The following TSC2 variants were observed in gnomAD, a reference collection of about 807,000 sequenced individuals.
The protein encoded by TSC2 is TSC complex subunit 2.
A neutral mutation model predicts 202.2 loss-of-function variants in TSC2; 29 were observed. The ratio of observed to expected loss-of-function variants is 0.14; its 90% CI spans 0.11 to 0.20. The LOEUF (loss-of-function observed/expected upper bound fraction) is 0.20, where lower values mean the gene tolerates loss of function less well. Among genes scored for constraint, TSC2 ranks in the 10% least tolerant of loss-of-function variants. The pLI, the probability that TSC2 is intolerant of heterozygous loss-of-function variation, is 1.00. For synonymous variants in TSC2, 1,349 were observed against 1,044.0 expected, an observed-to-expected ratio of 1.29 and a Z score of -5.63; for missense variants, 2,429 against 2,420.0, an observed-to-expected ratio of 1.00 and a Z score of -0.08.
chr16:2,049,508 G>A (rs1373015423), intron 2 of TSC2, among the ~76,000 whole-genome samples: 5 of 152,040 alleles, frequency 3.3e-5, no homozygotes, highest in African/African-American at 4.8e-5. Flanking sequence ...CAACTAAAAC[G>A]TTCATCAACT....
chr16:2,064,811 C>T (rs1876414337), intron 15 of TSC2: 1 of 333,296 alleles, frequency 3.0e-6, no homozygotes, highest in Non-Finnish European at 5.8e-6. Flanking sequence ...GGCATCTTTG[C>T]TTTTGAGCAA....
chr16:2,071,988 G>T, intron 19 of TSC2, 54 bp downstream of exon 19: 1 of 1,523,958 alleles, frequency 6.6e-7, no homozygotes, highest in East Asian at 2.4e-5. Context: ...GGAGGACAGG[G>T]AGCTGCCACC....
chr16:2,077,444 T>C, intron 25 of TSC2, 154 bp from the exon 26 acceptor site: 1 of 1,119,474 alleles, frequency 8.9e-7, no homozygotes. Flanking sequence ...TAACTGCCCT[T>C]TGGCATGGCT....
In TSC2 at chr16:2,074,299, A is replaced by C; in HGVS notation, c.2455A>C (p.Ile819Leu). Residue 819 changes from isoleucine (I) to leucine (L), a missense_variant, in exon 22 of 42, where the codon ATC (isoleucine) becomes CTC (leucine). Ile to Leu is a conservative substitution (Grantham distance 5). Coordinates refer to ENST00000219476, the MANE Select transcript of TSC2 (RefSeq NM_000548.5). The stretch of plus-strand genomic sequence containing the variant: ...CTGCAGCGTGGAGATGCCTGACATC[A>C]TCATCAAGGCGCTGCCTGTTCTGGT... Reference protein sequence around the residue: ...SICSVEMPDIIIKALPVLVVK... With the variant: ...SICSVEMPDILIKALPVLVVK... 6.2e-7 allele frequency: 1 copy of C among 1,613,158 alleles called. No individual in the cohort carries two copies. Among genetic ancestry groups the C allele is most frequent in the South Asian group, 1.1e-5 (1 of 91,070 alleles).
intron 38 of TSC2, chr16:2,087,313 T>G (rs2090942490): frequency 3.1e-6 from 1 of 325,958 alleles, no homozygotes; most frequent in Non-Finnish European, 6.0e-6. Context: ...AGCCCCAGCA[T>G]GGCGGGGAGA....
Position 2,089,467 on chromosome 16 carries a change from A to AAATT in TSC2, c.*859_*862dup, listed in dbSNP as rs949259809. On this transcript the variant is annotated 3_prime_UTR_variant, in exon 42 of 42. Transcript: ENST00000219476. ...GCTGTACCTGAGGACTCGGGGAAAT[A>AAATT]AATTAGCATCTCAGAGGCTAGAAAC... 77 of 546,556 alleles carry AAATT rather than the reference A, an allele frequency of 1.4e-4. No homozygotes were observed. Among genetic ancestry groups the AAATT allele is most frequent in the Non-Finnish European group, 2.4e-4 (75 of 306,198 alleles). 33.9% of individuals were successfully genotyped at this position (546,556 alleles called of 1,614,324 possible).
rs749930791 is a variant in TSC2 at position 2,084,398 on chromosome 16, G to A, written c.4176G>A (p.Gln1392=). ...LSKSSSSPEL[Q]TLQDILGDPG... is the part of the protein sequence containing the mutation. ...AGTCCAGCTCCTCTCCCGAGCTGCAGACTCTGCAGGACATCCTCGGGGACC... is the reference window on the plus strand; with the variant it reads ...AGTCCAGCTCCTCTCCCGAGCTGCAAACTCTGCAGGACATCCTCGGGGACC... Residue 1392 remains glutamine (Q), a synonymous_variant, in exon 34 of 42, where the codon CAG becomes CAA. Transcript: ENST00000219476. 13 of 1,612,152 alleles carry A rather than the reference G, an allele frequency of 8.1e-6. No individual in the cohort carries two copies. Among genetic ancestry groups the A allele is most frequent in the African/African-American group, 1.3e-5 (1 of 75,060 alleles).
In TSC2 at chr16:2,085,301, C is replaced by T. The variant is rs1060504087; in HGVS notation, c.4641C>T (p.Val1547=). The change falls in exon 36 of 42, where the codon GTC becomes GTT. Residue 1547 remains valine (V), a synonymous_variant. Coordinates refer to ENST00000219476, the MANE Select transcript of TSC2 (RefSeq NM_000548.5). ...CATACGACACCCACAAGATCGCCGT[C>T]CTGTATGTTGGAGAAGGCCAGGTGA... The part of the protein sequence containing the change: ...IPSYDTHKIA[V]LYVGEGQSNS... The T allele has an allele frequency of 1.9e-6, 3 of 1,612,762 alleles. No homozygotes were observed. Among genetic ancestry groups the T allele is most frequent in the Non-Finnish European group, 2.5e-6 (3 of 1,179,944 alleles).
chr16:2,080,296 G>A lies in TSC2; in HGVS notation c.3529G>A (p.Val1177Met), dbSNP rs1417220666. Residue 1177 changes from valine to methionine, a missense_variant, in exon 30 of 42, where the codon GTG (valine) becomes ATG (methionine). Transcript: ENST00000219476. ...EKASAGTRVP[V>M]QEKTNLAAYV... Reference sequence around the variant, plus strand: ...GGCCTCAGCTGGCACCCGGGTTCCTGTGCAGGAGAAGACGAACCTGGCGGC... The same window carrying A: ...GGCCTCAGCTGGCACCCGGGTTCCTATGCAGGAGAAGACGAACCTGGCGGC... 6.2e-7 allele frequency: 1 copy of A among 1,612,968 alleles called. No individual in the cohort carries two copies. The highest frequency in any genetic ancestry group is 8.5e-7 in the Non-Finnish European group (1 of 1,180,030).
chr16:2,080,691 A>C (rs141190891), intron 30 of TSC2: 7 of 360,098 alleles, frequency 1.9e-5, no homozygotes, highest in Admixed American at 8.1e-5. Flanking sequence ...TCACTGTGTT[A>C]GCCAGGATGG....
intron 26 of TSC2, chr16:2,078,584 C>CGGTGGTCGCCGTATCATTAAAAA: frequency 1.8e-5 from 5 of 281,894 alleles, no homozygotes; most frequent in South Asian, 7.4e-5. Flanking sequence ...GTGTGGAGCT[C>CGGTGGTCGCCGTATCATTAAAAA]AGGCAGCCGC....
At chr16:2,055,159 C>T (rs1036768491) in intron 5 of TSC2, 10 of 590,814 alleles carry the variant, frequency 1.7e-5, no homozygotes, top group Admixed American at 5.2e-5. Flanking sequence ...GCTGCCGCCT[C>T]GGCACAGACC....
chr16:2,052,172 C>T lies in TSC2; in HGVS notation c.226-1170C>T, dbSNP rs191674982. On this transcript the variant is annotated intron_variant, in intron 3 of 41. Transcript: ENST00000219476. ...TAGGCCTCCGAGGCTGGGATGGTCC[C>T]GGGCCCTGTGTCCACGGATCTTTGC... is the stretch of plus-strand genomic sequence containing the variant. Among the ~76,000 whole-genome samples, 358 of 150,428 alleles carry T rather than the reference C, an allele frequency of 2.4e-3. 1 individual carries two copies. The highest frequency in any genetic ancestry group is 3.8e-3 in the Non-Finnish European group (256 of 67,750).
At chr16:2,074,467 T>C in intron 22 of TSC2, 78 bp downstream of exon 22, 1 of 1,547,648 alleles carries the variant, frequency 6.5e-7, no homozygotes, top group South Asian at 1.1e-5. Flanking sequence ...TGGTGCCCTC[T>C]CTCAGGACTC....
chr16:2,081,217 C>T (rs1450518980), intron 30 of TSC2: 1 of 360,882 alleles, frequency 2.8e-6, no homozygotes, highest in Non-Finnish European at 5.4e-6. Context: ...GGAGCCCCCG[C>T]AGAGGCCCAG....
chr16:2,056,558 A>C, intron 7 of TSC2, 86 bp from the exon 8 acceptor site: 1 of 1,566,402 alleles, frequency 6.4e-7, no homozygotes, highest in East Asian at 2.3e-5. Flanking sequence ...GCGCAGGCTG[A>C]AGGAGGTGGG....
rs1195046020 is a variant in TSC2, at chr16:2,080,629, G to A, written c.3610+252G>A. The stretch of plus-strand genomic sequence containing the variant: ...CTCCCGAGTAGCTGGGACCACAGGC[G>A]CCCGCCACCACGCCTGGCCAATTTT... On this transcript the variant is annotated intron_variant, in intron 30 of 41. Transcript: ENST00000219476. 1.5e-4 allele frequency: 78 copies of A among 516,818 alleles called. No homozygotes were observed. The Middle Eastern group carries it at 1.6e-3, about 11-fold the overall frequency. 32.0% of individuals were successfully genotyped at this position (516,818 alleles called of 1,614,324 possible). A position where few individuals can be genotyped will look rare whatever the true frequency, so the allele number is the denominator to read the frequency against.
rs2151305683 is a variant in TSC2, at chr16:2,071,842, C to T, written c.2005C>T (p.Pro669Ser). The T allele has an allele frequency of 6.3e-7, 1 of 1,586,258 alleles. No homozygotes were observed. Among genetic ancestry groups the T allele is most frequent in the Non-Finnish European group, 8.6e-7 (1 of 1,166,972 alleles). ...CGGCCCCCTTTCTCCTCCCACAGGG[C>T]CTCCTGGCCCGGCGCCTGCAGGCCC... ...TSGPLSPPTG[P>S]PGPAPAGPAV... The change falls in exon 19 of 42, where the codon CCT becomes TCT. Residue 669 changes from proline to serine, a missense_variant. Physicochemically the swap from Pro to Ser is moderately conservative, Grantham distance 74. Transcript: ENST00000219476.
At position 2,060,795 on chromosome 16, in the gene TSC2, G is replaced by C. The variant is rs45517149; in HGVS notation, c.1101G>C (p.Arg367=). The change falls in exon 11 of 42, where the codon CGG becomes CGC. Residue 367 remains arginine, a synonymous_variant. Transcript: ENST00000219476. The part of the protein sequence containing the change: ...AWDILLNIIE[R]LLQQLQTLDS... ...ACATTCTGCTGAACATCATCGAACG[G>C]CTCCTTCAGCAGCTCCAGGTGGGGT... 1 of 1,613,674 alleles carries C rather than the reference G, an allele frequency of 6.2e-7. No homozygotes were observed. Among genetic ancestry groups the C allele is most frequent in the Non-Finnish European group, 8.5e-7 (1 of 1,179,906 alleles).
Sources: allele counts gnomAD v4.1 joint callset (sites outside exome capture counted in the v4.1 genomes callset), GRCh38; gene constraint gnomAD v4.1.1; transcripts MANE v1.5; gene names NCBI Gene and HGNC (gene_info 2026-07-23, HGNC 2026-07-21).